TMEM266: variants seen among roughly 807,000 people sequenced by gnomAD.
TMEM266 encodes the protein transmembrane protein 266.
Under a neutral mutation model 50.5 loss-of-function variants are expected in TMEM266, and 33 were observed. That is an observed-to-expected ratio of 0.65 (90% CI 0.50 to 0.87). The LOEUF is 0.87. Among genes scored for constraint, TMEM266 ranks in the 40% least tolerant of loss-of-function variants. TMEM266 has a pLI of 0.00. For synonymous variants in TMEM266, 310 were observed against 292.3 expected (o/e 1.06, Z -0.62); for missense variants, 655 against 695.1 (o/e 0.94, Z 0.65).
chr15:76,199,366 C>T (rs906581776), intron 9 of TMEM266, among the ~76,000 whole-genome samples: 4 of 152,220 alleles, frequency 2.6e-5, no homozygotes, highest in Admixed American at 6.5e-5. Flanking sequence ...GAAAGGAGAA[C>T]GATCTAATAC....
intron 3 of TMEM266, among the ~76,000 whole-genome samples, chr15:76,146,338 A>T (rs961870726): frequency 6.6e-6 from 1 of 152,170 alleles, no homozygotes; most frequent in Non-Finnish European, 1.5e-5. Context: ...AGTCTTTGTC[A>T]AAAATAAAAA....
At chr15:76,183,904 G>C (rs1463612535) in intron 8 of TMEM266, among the ~76,000 whole-genome samples, 2 of 152,332 alleles carry the variant, frequency 1.3e-5, no homozygotes, top group African/African-American at 4.8e-5. Context: ...AGGAACCGGA[G>C]CAGACGTGGG....
At chr15:76,127,096 C>T (rs2037435285) in intron 1 of TMEM266, among the ~76,000 whole-genome samples, 1 of 152,052 alleles carries the variant, frequency 6.6e-6, no homozygotes, top group Admixed American at 6.6e-5. Context: ...GAGAGGAAAT[C>T]TCCAGTATTC....
At chr15:76,093,707 T>C (rs1347879001) in intron 1 of TMEM266, among the ~76,000 whole-genome samples, 1 of 151,128 alleles carries the variant, frequency 6.6e-6, no homozygotes. Context: ...CCACAATGGT[T>C]GAACTAATTT....
chr15:76,191,085 C>G (rs2038560595), intron 8 of TMEM266, among the ~76,000 whole-genome samples: 1 of 152,228 alleles, frequency 6.6e-6, no homozygotes, highest in African/African-American at 2.4e-5. Flanking sequence ...GGAAGCCTTT[C>G]CAAGAAGCTT....
intron 1 of TMEM266, among the ~76,000 whole-genome samples, chr15:76,078,886 T>C (rs561284387): frequency 3.9e-5 from 6 of 152,374 alleles, no homozygotes; most frequent in Non-Finnish European, 5.9e-5. Context: ...ACTCCCTGCA[T>C]AGGCTCTGGG....
chr15:76,188,268 A>AGG (rs2038517932), intron 8 of TMEM266, among the ~76,000 whole-genome samples: 2 of 152,220 alleles, frequency 1.3e-5, no homozygotes, highest in African/African-American at 4.8e-5. Context: ...GGAAACTCAC[A>AGG]ATCATGGCAG....
chr15:76,102,116 G>A (rs146350700), intron 1 of TMEM266, among the ~76,000 whole-genome samples: 264 of 152,268 alleles, frequency 1.7e-3, no homozygotes, highest in African/African-American at 6.0e-3. Flanking sequence ...GTCCCCTAGT[G>A]TCTTCATGAC....
intron 1 of TMEM266, among the ~76,000 whole-genome samples, chr15:76,060,388 C>T (rs1015661681): frequency 4.1e-4 from 63 of 152,246 alleles, no homozygotes; most frequent in African/African-American, 1.4e-3. Context: ...GGGGGAATCC[C>T]ATTGCAGTAT....
chr15:76,064,048 C>A (rs781527438), intron 1 of TMEM266, among the ~76,000 whole-genome samples: 1 of 152,116 alleles, frequency 6.6e-6, no homozygotes, highest in Non-Finnish European at 1.5e-5. Flanking sequence ...GAGAAGAGAT[C>A]TGTGTGGGTT....
chr15:76,107,947 C>T (rs1270859001), intron 1 of TMEM266, among the ~76,000 whole-genome samples: 1 of 152,204 alleles, frequency 6.6e-6, no homozygotes, highest in Non-Finnish European at 1.5e-5. Context: ...TTAGCAGGCA[C>T]CCTCTTCCCT....
chr15:76,094,054 A>G (rs1369283252), intron 1 of TMEM266, among the ~76,000 whole-genome samples: 1 of 151,860 alleles, frequency 6.6e-6, no homozygotes, highest in Non-Finnish European at 1.5e-5. Context: ...ATTTTCTCCC[A>G]TTCTGTAGGT....
At chr15:76,197,473 A>G (rs1343016039) in intron 9 of TMEM266, among the ~76,000 whole-genome samples, 1 of 152,184 alleles carries the variant, frequency 6.6e-6, no homozygotes, top group East Asian at 1.9e-4. Flanking sequence ...AATTCTTAAT[A>G]CTTTTAAAAC....
At chr15:76,107,173 A>C (rs1461607301) in intron 1 of TMEM266, among the ~76,000 whole-genome samples, 1 of 152,262 alleles carries the variant, frequency 6.6e-6, no homozygotes, top group South Asian at 2.1e-4. Context: ...TTATTTAACC[A>C]ATATGTCCAG....
chr15:76,062,970 A>G (rs865919557), intron 1 of TMEM266, among the ~76,000 whole-genome samples: 1 of 152,222 alleles, frequency 6.6e-6, no homozygotes, highest in Admixed American at 6.5e-5. Flanking sequence ...ACATTGTTGA[A>G]TAAGGCACTA....
chr15:76,188,132 ACT>A (rs1469505735), intron 8 of TMEM266, among the ~76,000 whole-genome samples: 24 of 151,880 alleles, frequency 1.6e-4, no homozygotes, highest in African/African-American at 5.8e-4. Context: ...ACAAGAGGTA[ACT>A]GATAATCCTT....
chr15:76,072,456 A>AG (rs1369473913), intron 1 of TMEM266, among the ~76,000 whole-genome samples: 31 of 151,144 alleles, frequency 2.1e-4, no homozygotes, highest in African/African-American at 7.5e-4. Flanking sequence ...AAAAAAAAAA[A>AG]AAAAGAAGCA....
chr15:76,162,787 C>T (rs750525381), intron 5 of TMEM266, among the ~76,000 whole-genome samples: 3 of 152,172 alleles, frequency 2.0e-5, no homozygotes, highest in Admixed American at 6.5e-5. Flanking sequence ...TCACTCAGAC[C>T]ACAGACCCAG....
rs139067500 is a variant in TMEM266 at position 76,161,557 on chromosome 15, C to T, written c.456+1389C>T. 0.015 allele frequency among the ~76,000 whole-genome samples: 2,308 copies of T among 152,168 alleles called. 25 individuals are homozygous for T. The highest frequency in any genetic ancestry group is 0.034 in the Middle Eastern group (10 of 294). ...AGTCCGGGTGTGGGGTGTGGTGGGC[C>T]GGGCAGCAGGCATTCCAAGCATGGA... On this transcript the variant is annotated intron_variant, in intron 5 of 10. Transcript: ENST00000388942. The surrounding 1 kb of genome is among the most constrained non-coding windows in gnomAD (Gnocchi z 4.1).
Sources: allele counts gnomAD v4.1 joint callset (sites outside exome capture counted in the v4.1 genomes callset), GRCh38; gene constraint gnomAD v4.1.1; non-coding constraint Gnocchi (gnomAD v3.1); transcripts MANE v1.5; gene names NCBI Gene and HGNC (gene_info 2026-07-23, HGNC 2026-07-21).